SCOC: variants seen among roughly 807,000 people sequenced by gnomAD.
SCOC encodes short coiled-coil protein, also known as short coiled coil protein.
SCOC carries 7 observed loss-of-function variants against 9.9 expected under a neutral mutation model. The observed-to-expected ratio is 0.71, with a 90% CI of 0.40 to 1.33. SCOC has a LOEUF of 1.33. SCOC is among the 40% of genes most tolerant of loss of function. The pLI is 0.01. For missense variants in SCOC, 66 were observed against 89.7 expected (o/e 0.74, Z 1.07); for synonymous variants, 19 against 28.2 (o/e 0.67, Z 1.03).
chr4:140,372,279 C>A (rs1728088790), upstream of SCOC, among the ~76,000 whole-genome samples: 1 of 152,172 alleles, frequency 6.6e-6, no homozygotes, highest in Admixed American at 6.5e-5. Flanking sequence ...TATTTCACTA[C>A]AATTAAAAAT....
At chr4:140,329,818 G>A (rs1461634766) in intron 1 of SCOC, among the ~76,000 whole-genome samples, 2 of 152,198 alleles carry the variant, frequency 1.3e-5, no homozygotes, top group Non-Finnish European at 2.9e-5. Context: ...TGGCATGGAT[G>A]TGGTGAAAAG....
At chr4:140,278,121 G>T (rs13152436) in intron 1 of SCOC, among the ~76,000 whole-genome samples, 32,520 of 152,068 alleles carry the variant, frequency 0.21, 6,714 homozygotes, top group African/African-American at 0.53. Context: ...ACTATAGACT[G>T]GATAATTTAT....
rs1322381467 is a variant in SCOC, at chr4:140,381,578, T to G, written c.*474T>G. On this transcript the variant is annotated 3_prime_UTR_variant, in exon 4 of 4. Transcript: ENST00000608372. ...AAAATTGGTGTCACATTTGTAAAAG[T>G]AATTTTAATAGTTAATCATCTCTGA... is the stretch of plus-strand genomic sequence containing the variant. 6.6e-6 allele frequency: 1 copy of G among 152,448 alleles called. No individual in the cohort carries two copies. The highest frequency in any genetic ancestry group is 1.9e-4 in the East Asian group (1 of 5,190). 9.4% of individuals were successfully genotyped at this position (152,448 alleles called of 1,614,324 possible).
intron 1 of SCOC, among the ~76,000 whole-genome samples, chr4:140,263,719 C>T (rs545562110): frequency 8.9e-4 from 135 of 152,152 alleles, no homozygotes; most frequent in African/African-American, 2.1e-3. Flanking sequence ...TCATATCACC[C>T]CGAATGGGTG....
chr4:140,263,564 C>A (rs1238251258), intron 1 of SCOC, among the ~76,000 whole-genome samples: 1 of 152,018 alleles, frequency 6.6e-6, no homozygotes. Flanking sequence ...ATCACTATAC[C>A]CAGTGGTCTG....
At chr4:140,369,251 T>C (rs890749627), upstream of SCOC, 1 of 448,916 alleles carries the variant, frequency 2.2e-6, no homozygotes, top group Non-Finnish European at 4.5e-6. Context: ...GGCTGTAGTA[T>C]ACAATTACGT....
At chr4:140,286,919 C>T (rs1218992293) in intron 1 of SCOC, among the ~76,000 whole-genome samples, 1 of 152,076 alleles carries the variant, frequency 6.6e-6, no homozygotes, top group African/African-American at 2.4e-5. Flanking sequence ...CAGAGGGCTC[C>T]CTGACTACCC....
chr4:140,377,489 C>T (rs1020931538), intron 1 of SCOC, among the ~76,000 whole-genome samples: 3 of 152,126 alleles, frequency 2.0e-5, no homozygotes, highest in Non-Finnish European at 2.9e-5. Flanking sequence ...GTTTATTCAG[C>T]ATTATTAAAT....
At chr4:140,364,289 G>C (rs1578864397) in intron 2 of SCOC, among the ~76,000 whole-genome samples, 1 of 152,060 alleles carries the variant, frequency 6.6e-6, no homozygotes. Flanking sequence ...TTTAATGCTG[G>C]CAAAGGATGG....
At chr4:140,287,346 C>T (rs1048917245) in intron 1 of SCOC, among the ~76,000 whole-genome samples, 4 of 151,738 alleles carry the variant, frequency 2.6e-5, no homozygotes, top group Non-Finnish European at 5.9e-5. Flanking sequence ...AAACACACAT[C>T]ATGTGCACAT....
Position 140,366,613 on chromosome 4 carries a change from T to C in SCOC, c.71-12508T>C, listed in dbSNP as rs938447189. 2.1e-5 allele frequency: 33 copies of C among 1,606,750 alleles called. No individual in the cohort carries two copies. In the Admixed American group the frequency reaches 2.2e-4, roughly 11 times the overall value. ...CCATCGTGTGGCTGCCCATTTTGTA[T>C]TGATGTTTGCCTTCTGCCAGGCTTG... On this transcript the variant is annotated intron_variant, in intron 2 of 4. Coordinates refer to the SCOC transcript ENST00000338517.
chr4:140,369,801 A>G (rs555232281), upstream of SCOC, among the ~76,000 whole-genome samples: 113 of 145,196 alleles, frequency 7.8e-4, no homozygotes, highest in African/African-American at 2.8e-3. Flanking sequence ...AAATATTTCT[A>G]TGCAATCTCA....
At chr4:140,373,828 C>A in intron 1 of SCOC, 111 bp downstream of exon 1, 1 of 1,199,424 alleles carries the variant, frequency 8.3e-7, no homozygotes, top group Non-Finnish European at 1.2e-6. Context: ...CCCTGCGCAC[C>A]GGGGGCCCGG....
intron 1 of SCOC, chr4:140,283,724 T>C (rs929254906): frequency 1.3e-5 from 2 of 152,216 alleles, no homozygotes; most frequent in African/African-American, 4.8e-5. Flanking sequence ...GACTCTCTCA[T>C]TGATTTATCC....
intron 1 of SCOC, among the ~76,000 whole-genome samples, chr4:140,278,913 C>T (rs777272314): frequency 2.4e-4 from 35 of 145,572 alleles, no homozygotes; most frequent in African/African-American, 6.3e-4. Flanking sequence ...CCAATCATGT[C>T]GTCCTCCCCT....
intron 1 of SCOC, among the ~76,000 whole-genome samples, chr4:140,264,099 A>G (rs762704622): frequency 3.9e-5 from 6 of 152,160 alleles, no homozygotes; most frequent in Non-Finnish European, 7.3e-5. Context: ...TCCTGGGCTC[A>G]GGCAAATCTC....
At chr4:140,375,412 T>C (rs1336754343) in intron 1 of SCOC, among the ~76,000 whole-genome samples, 1 of 152,206 alleles carries the variant, frequency 6.6e-6, no homozygotes, top group African/African-American at 2.4e-5. Context: ...ATGAGGAAAC[T>C]TAAGGCCGAG....
At chr4:140,354,046 T>C (rs1194115153) in intron 2 of SCOC, among the ~76,000 whole-genome samples, 1 of 152,242 alleles carries the variant, frequency 6.6e-6, no homozygotes, top group Non-Finnish European at 1.5e-5. Context: ...TTAAAACACA[T>C]TCTTCTTTTC....
chr4:140,357,866 T>TC (rs1727295139), intron 2 of SCOC, among the ~76,000 whole-genome samples: 1 of 16,414 alleles, frequency 6.1e-5, no homozygotes, highest in South Asian at 1.2e-3. Flanking sequence ...ACCCCACATC[T>TC]TCTCTTTCTC....
Sources: gnomAD v4.1 joint callset for allele counts (sites outside exome capture counted in the v4.1 genomes callset) on GRCh38, gnomAD v4.1.1 for gene constraint, MANE v1.5 for transcripts, NCBI Gene and HGNC (gene_info 2026-07-23, HGNC 2026-07-21) for gene names.